MAD1L1: variants seen among roughly 807,000 people sequenced by gnomAD.
The protein encoded by MAD1L1 is mitotic spindle assembly checkpoint protein MAD1.
MAD1L1 carries 95 observed loss-of-function variants against 96.9 expected under a neutral mutation model. That is an observed-to-expected ratio of 0.98 (90% CI 0.83 to 1.16). MAD1L1 has a LOEUF of 1.16. MAD1L1 is among the 50% of genes most tolerant of loss of function. The pLI, the probability that MAD1L1 is intolerant of heterozygous loss-of-function variation, is 0.00. For synonymous variants in MAD1L1, 473 were observed against 396.6 expected (o/e 1.19, Z -2.29); for missense variants, 1,007 against 954.4 (o/e 1.06, Z -0.73).
intron 11 of MAD1L1, among the ~76,000 whole-genome samples, chr7:2,082,604 G>C (rs1785709538): frequency 6.6e-6 from 1 of 152,354 alleles, no homozygotes; most frequent in Admixed American, 6.5e-5. Flanking sequence ...CCAGGCTGAG[G>C]AGATTGAGCT....
intron 10 of MAD1L1, among the ~76,000 whole-genome samples, chr7:2,189,671 G>A (rs1791625608): frequency 6.6e-6 from 1 of 152,214 alleles, no homozygotes; most frequent in African/African-American, 2.4e-5. Flanking sequence ...CGTTTAATGG[G>A]TACAGAGTTT....
chr7:2,207,139 T>C (rs938915678), intron 10 of MAD1L1, among the ~76,000 whole-genome samples: 5 of 151,756 alleles, frequency 3.3e-5, no homozygotes, highest in Non-Finnish European at 5.9e-5. Context: ...GGGGCTTTGA[T>C]TGGGACTATG....
At chr7:1,858,926 C>T (rs1258062585) in intron 18 of MAD1L1, among the ~76,000 whole-genome samples, 1 of 152,228 alleles carries the variant, frequency 6.6e-6, no homozygotes, top group Non-Finnish European at 1.5e-5. Context: ...TGACTTGCAA[C>T]CCACCTGGAC....
intron 10 of MAD1L1, among the ~76,000 whole-genome samples, chr7:2,212,041 C>A (rs1792973383): frequency 6.6e-6 from 1 of 152,206 alleles, no homozygotes; most frequent in African/African-American, 2.4e-5. Flanking sequence ...CGAGACCTGG[C>A]GCACACAGGG....
intron 12 of MAD1L1, among the ~76,000 whole-genome samples, chr7:2,015,875 A>T (rs1042637560): frequency 1.3e-5 from 2 of 152,208 alleles, no homozygotes; most frequent in African/African-American, 4.8e-5. Flanking sequence ...TGCCCCAGGG[A>T]CATCTAACTG....
chr7:1,838,562 G>A lies in MAD1L1; in HGVS notation c.1999-22334C>T, dbSNP rs755002939. On this transcript the variant is annotated intron_variant, in intron 18 of 18. Coordinates refer to ENST00000265854, the MANE Select transcript of MAD1L1 (RefSeq NM_001013836.2). ...GAACCGTGAAAACCTTACGCTCAGC[G>A]AAAGATGCCAGATGCCAGAGACCAC... 5.9e-4 allele frequency: 208 copies of A among 353,700 alleles called. 1 individual carries two copies. Among genetic ancestry groups the A allele is most frequent in the Non-Finnish European group, 9.8e-4 (167 of 170,150 alleles). The allele number at this position is 353,700 out of a possible 1,614,324, so 21.9% of individuals were successfully genotyped here.
At chr7:1,971,800 A>G (rs1229151214) in intron 15 of MAD1L1, among the ~76,000 whole-genome samples, 3 of 152,190 alleles carry the variant, frequency 2.0e-5, no homozygotes, top group South Asian at 4.1e-4. Context: ...CACGCCAGCA[A>G]TGGAACAGCC....
chr7:1,881,057 A>G (rs945171217), intron 18 of MAD1L1, among the ~76,000 whole-genome samples: 7 of 152,220 alleles, frequency 4.6e-5, no homozygotes, highest in Admixed American at 1.3e-4. Flanking sequence ...GCTGATCTTC[A>G]TAAGATGGAG....
At chr7:2,230,483 G>A in intron 2 of MAD1L1, 66 bp downstream of exon 2, 1 of 232,370 alleles carries the variant, frequency 4.3e-6, no homozygotes, top group Non-Finnish European at 8.7e-6. Flanking sequence ...GTTCTCCAGA[G>A]ACACAGAGCC....
intron 15 of MAD1L1, among the ~76,000 whole-genome samples, chr7:1,964,490 G>A (rs1232675924): frequency 6.6e-6 from 1 of 152,202 alleles, no homozygotes; most frequent in Non-Finnish European, 1.5e-5. Context: ...AACTGCTACC[G>A]CACAGAGAGC....
chr7:2,095,687 C>T (rs1786450468), intron 11 of MAD1L1, among the ~76,000 whole-genome samples: 1 of 152,236 alleles, frequency 6.6e-6, no homozygotes, highest in African/African-American at 2.4e-5. Context: ...TCATCACCTG[C>T]CTACTGCGAG....
At chr7:2,025,813 GTATA>G (rs1782971994) in intron 12 of MAD1L1, among the ~76,000 whole-genome samples, 2 of 152,190 alleles carry the variant, frequency 1.3e-5, no homozygotes, top group South Asian at 2.1e-4. Context: ...ACTTTGTTAA[GTATA>G]TAATAATAGT....
chr7:1,846,918 G>T, intron 18 of MAD1L1: 1 of 301,084 alleles, frequency 3.3e-6, no homozygotes, highest in Non-Finnish European at 6.4e-6. Context: ...CAGCTCGTGG[G>T]GCTTGAATGG....
chr7:2,069,305 C>A lies in MAD1L1; in HGVS notation c.1107G>T (p.Leu369=). 2 of 1,607,934 alleles carry A rather than the reference C, an allele frequency of 1.2e-6. No individual in the cohort carries two copies. Among genetic ancestry groups the A allele is most frequent in the Middle Eastern group, 1.8e-4 (1 of 5,608 alleles). ...ARGLEKARQQ[L]QEELRQVSGQ... Reference sequence around the variant, plus strand: ...CGCTGACCTGCCGGAGCTCCTCCTGCAGCTGCTGCCTGGCCTTCTCCAGCC... The same window carrying A: ...CGCTGACCTGCCGGAGCTCCTCCTGAAGCTGCTGCCTGGCCTTCTCCAGCC... Residue 369 remains leucine (L), a synonymous_variant, in exon 12 of 19, where the codon CTG becomes CTT. Coordinates refer to ENST00000265854, the MANE Select transcript of MAD1L1 (RefSeq NM_001013836.2).
At chr7:1,974,804 G>A (rs1389963401) in intron 15 of MAD1L1, among the ~76,000 whole-genome samples, 1 of 152,258 alleles carries the variant, frequency 6.6e-6, no homozygotes, top group Admixed American at 6.5e-5. Context: ...CCAATGCAGC[G>A]CACAGAGCAG....
chr7:2,023,125 G>A lies in MAD1L1; in HGVS notation c.1219-8483C>T, dbSNP rs986070386. Among the ~76,000 whole-genome samples the A allele has an allele frequency of 4.6e-5, 7 of 152,184 alleles. No homozygotes were observed. The East Asian group carries it at 9.6e-4, about 21-fold the overall frequency. ...AACACCCTCTTATCAGAAACGGACA[G>A]ATCCCGCAGGCAGAAAATCAGTGAG... On this transcript the variant is annotated intron_variant, in intron 12 of 18. Coordinates refer to ENST00000265854, the MANE Select transcript of MAD1L1 (RefSeq NM_001013836.2).
intron 11 of MAD1L1, among the ~76,000 whole-genome samples, chr7:2,079,495 C>T (rs1204673808): frequency 2.0e-5 from 3 of 152,220 alleles, no homozygotes; most frequent in African/African-American, 7.2e-5. Flanking sequence ...CACTTCTCCC[C>T]GACTCTGCCT....
intron 9 of MAD1L1, among the ~76,000 whole-genome samples, chr7:2,214,837 G>A (rs1290842080): frequency 6.6e-6 from 1 of 152,210 alleles, no homozygotes; most frequent in African/African-American, 2.4e-5. Context: ...ACAGGGCCCT[G>A]CCAGCCCTGA....
rs2114999223 is a variant in MAD1L1, at chr7:2,218,132, C to CCCA, written c.597-92_597-90dup. On this transcript the variant is annotated intron_variant, in intron 6 of 18. Transcript: ENST00000265854. The stretch of plus-strand genomic sequence containing the variant: ...AGCCTGAGACCCGCCCCAGCACAGA[C>CCCA]CCACATACGTTCATTCCCACCCCAA... 3 of 974,192 alleles carry CCCA rather than the reference C, an allele frequency of 3.1e-6. No individual in the cohort carries two copies. The East Asian group carries it at 7.2e-5, about 23-fold the overall frequency. 60.3% of individuals were successfully genotyped at this position (974,192 alleles called of 1,614,324 possible).
Sources: gnomAD v4.1 joint callset for allele counts (sites outside exome capture counted in the v4.1 genomes callset) on GRCh38, gnomAD v4.1.1 for gene constraint, MANE v1.5 for transcripts, NCBI Gene and HGNC (gene_info 2026-07-23, HGNC 2026-07-21) for gene names.